The following ZNF469 variants were observed in gnomAD, a reference collection of about 807,000 sequenced individuals.
ZNF469 encodes the protein zinc finger protein 469.
Under a neutral mutation model 1.0 loss-of-function variants are expected in ZNF469, and 1 was observed. That is an observed-to-expected ratio of 1.00 (90% CI 0.35 to 4.73). The LOEUF is 4.73. Ranked by LOEUF, ZNF469 falls within the 30% of genes most tolerant of loss-of-function variation. ZNF469 has a pLI of 0.16. For synonymous variants in ZNF469, 2,703 were observed against 2,363.4 expected (o/e 1.14, Z -4.17); for missense variants, 6,100 against 5,356.3 (o/e 1.14, Z -4.33).
intron 1 of ZNF469, among the ~76,000 whole-genome samples, chr16:88,388,111 C>T (rs917053448): frequency 3.3e-5 from 5 of 152,220 alleles, no homozygotes; most frequent in Non-Finnish European, 1.5e-5. Context: ...GGAGAGCGGC[C>T]GAGCAGGCGC....
the ZNF469 span, among the ~76,000 whole-genome samples, chr16:88,223,755 C>T: frequency 0.076 from 11,561 of 152,304 alleles, 540 homozygotes; most frequent in African/African-American, 0.14. Flanking sequence ...TCATCCAGCC[C>T]GCTGTGTCCT....
intron 1 of ZNF469, among the ~76,000 whole-genome samples, chr16:88,416,102 C>A (rs988983158): frequency 1.3e-5 from 2 of 152,194 alleles, no homozygotes; most frequent in Non-Finnish European, 2.9e-5. Context: ...GAGTAATTAA[C>A]GCAGCCACCA....
the ZNF469 span, among the ~76,000 whole-genome samples, chr16:88,267,147 C>T: frequency 6.6e-6 from 1 of 152,216 alleles, no homozygotes; most frequent in Non-Finnish European, 1.5e-5. Flanking sequence ...CATCGGCGCC[C>T]TCACTCTCTG....
At chr16:88,130,970 G>A in the ZNF469 span, among the ~76,000 whole-genome samples, 716 of 152,278 alleles carry the variant, frequency 4.7e-3, 7 homozygotes, top group African/African-American at 0.016. Flanking sequence ...CCGGGCAGCC[G>A]GGGACGGGGG....
chr16:88,141,496 G>A, the ZNF469 span, among the ~76,000 whole-genome samples: 1 of 138,866 alleles, frequency 7.2e-6, no homozygotes. Context: ...AGAGGTCCTG[G>A]GAGGCACCCC....
the ZNF469 span, among the ~76,000 whole-genome samples, chr16:88,265,191 G>C: frequency 2.6e-5 from 4 of 151,222 alleles, no homozygotes; most frequent in Admixed American, 1.3e-4. Flanking sequence ...CCACTGTCTC[G>C]TGTGAGTGAG....
chr16:88,200,976 G>T, the ZNF469 span, among the ~76,000 whole-genome samples: 1 of 152,210 alleles, frequency 6.6e-6, no homozygotes, highest in Non-Finnish European at 1.5e-5. Context: ...ACTGTGTGTG[G>T]GCGAGAGGGC....
chr16:88,436,992 C>T lies in ZNF469; in HGVS notation c.9522C>T (p.Pro3174=), dbSNP rs912719305. 16 of 1,518,518 alleles carry T rather than the reference C, an allele frequency of 1.1e-5. No individual in the cohort carries two copies. Among genetic ancestry groups the T allele is most frequent in the Admixed American group, 2.0e-5 (1 of 49,482 alleles). 94.1% of individuals were successfully genotyped at this position (1,518,518 alleles called of 1,614,324 possible). A position where few individuals can be genotyped will look rare whatever the true frequency, so the allele number is the denominator to read the frequency against. ...QERHAQSKAG[P]WACGMCLKEV... ...GGCACGCGCAGAGCAAGGCCGGGCC[C>T]TGGGCGTGCGGCATGTGCCTGAAGG... Residue 3174 remains proline, a synonymous_variant, in exon 3 of 3, where the codon CCC becomes CCT. Transcript: ENST00000565624.
chr16:88,380,858 GCACT>G (rs1285662426), upstream of ZNF469, among the ~76,000 whole-genome samples: 3 of 107,958 alleles, frequency 2.8e-5, no homozygotes. Context: ...GCACTCACAT[GCACT>G]CACACACAGT....
the ZNF469 span, among the ~76,000 whole-genome samples, chr16:88,182,111 A>G: frequency 1.1e-3 from 163 of 152,336 alleles, 2 homozygotes; most frequent in Admixed American, 8.2e-3. Flanking sequence ...ATTGAATTTA[A>G]AAACAATATT....
chr16:88,408,932 G>A (rs960362179), intron 1 of ZNF469, among the ~76,000 whole-genome samples: 1 of 152,276 alleles, frequency 6.6e-6, no homozygotes, highest in Admixed American at 6.5e-5. Flanking sequence ...CGGGGAGGGA[G>A]GGGCTTTCTG....
the ZNF469 span, among the ~76,000 whole-genome samples, chr16:88,132,962 C>T: frequency 3.9e-5 from 6 of 152,234 alleles, no homozygotes; most frequent in African/African-American, 1.2e-4. Context: ...AGAGCCAAGG[C>T]GTGCCACTCC....
the ZNF469 span, among the ~76,000 whole-genome samples, chr16:88,140,981 C>T: frequency 6.6e-6 from 1 of 152,016 alleles, no homozygotes. Flanking sequence ...TAGCGTATGG[C>T]CCTTTACAAG....
the ZNF469 span, among the ~76,000 whole-genome samples, chr16:88,122,488 G>T: frequency 6.7e-6 from 1 of 149,096 alleles, no homozygotes; most frequent in Non-Finnish European, 1.5e-5. Context: ...CCCGTCACTC[G>T]CTATGGCCAC....
the ZNF469 span, among the ~76,000 whole-genome samples, chr16:88,140,294 A>G: frequency 4.3e-5 from 6 of 138,294 alleles, no homozygotes; most frequent in East Asian, 1.2e-3. Flanking sequence ...AGGAATAAAT[A>G]TTTGGAAAGG....
chr16:88,195,547 T>C, the ZNF469 span, among the ~76,000 whole-genome samples: 1 of 152,108 alleles, frequency 6.6e-6, no homozygotes, highest in Non-Finnish European at 1.5e-5. Flanking sequence ...AGAGACAAGG[T>C]TGCAGAGTTG....
At chr16:88,272,710 G>T in the ZNF469 span, among the ~76,000 whole-genome samples, 2 of 151,632 alleles carry the variant, frequency 1.3e-5, no homozygotes, top group African/African-American at 2.4e-5. Context: ...GGATGAACGG[G>T]TGGGTGTATG....
At chr16:88,183,568 G>C in the ZNF469 span, among the ~76,000 whole-genome samples, 1 of 152,320 alleles carries the variant, frequency 6.6e-6, no homozygotes, top group South Asian at 2.1e-4. Context: ...GGACAATTCT[G>C]GAGGACGCAA....
the ZNF469 span, among the ~76,000 whole-genome samples, chr16:88,143,484 A>G: frequency 6.6e-6 from 1 of 151,682 alleles, no homozygotes; most frequent in South Asian, 2.1e-4. Flanking sequence ...CTAAGACGCA[A>G]CCACCAGCCT....
Sources: gnomAD v4.1 joint callset for allele counts (sites outside exome capture counted in the v4.1 genomes callset) on GRCh38, gnomAD v4.1.1 for gene constraint, MANE v1.5 for transcripts, NCBI Gene and HGNC (gene_info 2026-07-23, HGNC 2026-07-21) for gene names.